RBMS3: variants seen among roughly 807,000 people sequenced by gnomAD.
RBMS3 encodes RNA binding motif single stranded interacting protein 3.
In RBMS3, 27 loss-of-function variants were observed where a neutral mutation model predicts 66.8. The ratio of observed to expected loss-of-function variants is 0.40; its 90% CI spans 0.30 to 0.56. The LOEUF (loss-of-function observed/expected upper bound fraction) is 0.56, where lower values mean the gene tolerates loss of function less well. Ranked by LOEUF, RBMS3 falls within the 20% of genes least tolerant of loss-of-function variation. RBMS3 has a pLI of 0.40. For synonymous variants in RBMS3, 188 were observed against 183.0 expected, an observed-to-expected ratio of 1.03 and a Z score of -0.22; for missense variants, 513 against 549.5, an observed-to-expected ratio of 0.93 and a Z score of 0.66.
At chr3:29,381,949 C>A (rs979757931) in intron 1 of RBMS3, among the ~76,000 whole-genome samples, 1 of 152,036 alleles carries the variant, frequency 6.6e-6, no homozygotes, top group African/African-American at 2.4e-5. Flanking sequence ...CCCTGTATAT[C>A]TCTTTCTTTC....
intron 6 of RBMS3, among the ~76,000 whole-genome samples, chr3:29,843,040 T>G (rs1434182003): frequency 6.6e-6 from 1 of 152,218 alleles, no homozygotes; most frequent in Non-Finnish European, 1.5e-5. Context: ...CTTCTTTTAC[T>G]CCAATTTCTT....
chr3:29,816,698 T>G (rs1393838607), intron 6 of RBMS3, among the ~76,000 whole-genome samples: 2 of 152,116 alleles, frequency 1.3e-5, no homozygotes, highest in Non-Finnish European at 2.9e-5. Context: ...AAGTGACCCA[T>G]AGAAAATAGT....
At chr3:29,837,521 A>C (rs1467070045) in intron 6 of RBMS3, among the ~76,000 whole-genome samples, 3 of 151,502 alleles carry the variant, frequency 2.0e-5, no homozygotes, top group East Asian at 1.9e-4. Flanking sequence ...TATCAGAATC[A>C]GAGATAAAAG....
At chr3:29,863,162 AT>A (rs1344544033) in intron 6 of RBMS3, among the ~76,000 whole-genome samples, 8 of 150,632 alleles carry the variant, frequency 5.3e-5, no homozygotes, top group Non-Finnish European at 1.2e-4. Flanking sequence ...GAAATAGCAC[AT>A]TTGAAAATGT....
intron 2 of RBMS3, among the ~76,000 whole-genome samples, chr3:29,477,828 C>T (rs1046271612): frequency 7.2e-5 from 11 of 152,086 alleles, no homozygotes; most frequent in Non-Finnish European, 1.6e-4. Context: ...TGCAGTCGTG[C>T]AATCTCAGTT....
intron 4 of RBMS3, among the ~76,000 whole-genome samples, chr3:29,734,695 C>G (rs1441734910): frequency 6.6e-6 from 1 of 152,024 alleles, no homozygotes; most frequent in Non-Finnish European, 1.5e-5. Flanking sequence ...TGATACCTAT[C>G]CACAATGAAA....
In RBMS3 at chr3:29,637,019, TG is replaced by T. The variant is rs1162223808; in HGVS notation, c.399+49816del. 3.3e-5 allele frequency among the ~76,000 whole-genome samples: 5 copies of T among 152,008 alleles called. No individual in the cohort carries two copies. In the East Asian group the frequency reaches 9.7e-4, roughly 29 times the overall value. On this transcript the variant is annotated intron_variant, in intron 4 of 14. Transcript: ENST00000383767. ...TTTCAGACCCAGGTTATTAGCAGCA[TG>T]GAAGCTCCTAATGAGGCTGGAGAAA...
chr3:29,685,960 C>T (rs577059912), intron 4 of RBMS3, among the ~76,000 whole-genome samples: 1 of 152,304 alleles, frequency 6.6e-6, no homozygotes, highest in African/African-American at 2.4e-5. Flanking sequence ...AACAAGTCTT[C>T]CAAAGTGGGC....
chr3:29,589,158 A>G (rs1182158128), intron 4 of RBMS3, among the ~76,000 whole-genome samples: 1 of 152,104 alleles, frequency 6.6e-6, no homozygotes, highest in Non-Finnish European at 1.5e-5. Flanking sequence ...GGGAACCATT[A>G]TGAATATTTT....
rs1309716603 is a variant in RBMS3 at position 30,007,565 on chromosome 3, CAA to C, written c.*3705_*3706del. On this transcript the variant is annotated 3_prime_UTR_variant, in exon 15 of 15. Coordinates refer to ENST00000383767, the MANE Select transcript of RBMS3 (RefSeq NM_001003793.3). ...AATGGTATGGTATTGTCAAGGGAGG[CAA>C]AGTGTTCATGGTAACTTGGAGCTCC... The C allele has an allele frequency of 1.3e-5, 2 of 151,980 alleles. No homozygotes were observed. Among genetic ancestry groups the C allele is most frequent in the Non-Finnish European group, 2.9e-5 (2 of 67,960 alleles). 9.4% of individuals were successfully genotyped at this position (151,980 alleles called of 1,614,324 possible).
chr3:29,582,814 G>C (rs2047378554), intron 3 of RBMS3, among the ~76,000 whole-genome samples: 1 of 152,060 alleles, frequency 6.6e-6, no homozygotes, highest in South Asian at 2.1e-4. Context: ...GCTTTCTTCT[G>C]ATTGTGATGT....
At position 29,868,840 on chromosome 3, in the gene RBMS3, G is replaced by T. The variant is rs2059420757; in HGVS notation, c.638-18G>T. 5 of 1,570,846 alleles carry T rather than the reference G, an allele frequency of 3.2e-6. No individual in the cohort carries two copies. The highest frequency in any genetic ancestry group is 4.3e-6 in the Non-Finnish European group (5 of 1,153,576). ...AAGGGGGAGTTGTTAATGTAGAATTGGTTTCTTATCTTCCCAGCCCCCAGT... is the reference window on the plus strand; with the variant it reads ...AAGGGGGAGTTGTTAATGTAGAATTTGTTTCTTATCTTCCCAGCCCCCAGT... On this transcript the variant is annotated intron_variant, in intron 6 of 14. Transcript: ENST00000383767.
intron 12 of RBMS3, among the ~76,000 whole-genome samples, chr3:29,960,365 T>C (rs2149734346): frequency 6.6e-6 from 1 of 152,310 alleles, no homozygotes; most frequent in African/African-American, 2.4e-5. Flanking sequence ...GCTTTGCCCC[T>C]GTGGCTTTGC....
At chr3:29,541,586 A>T (rs1157061273) in intron 3 of RBMS3, among the ~76,000 whole-genome samples, 2 of 152,190 alleles carry the variant, frequency 1.3e-5, no homozygotes, top group African/African-American at 4.8e-5. Flanking sequence ...GGGACCTTGC[A>T]GATGCCTCCT....
At chr3:29,927,965 A>G (rs1462215285) in intron 10 of RBMS3, among the ~76,000 whole-genome samples, 1 of 152,006 alleles carries the variant, frequency 6.6e-6, no homozygotes, top group Non-Finnish European at 1.5e-5. Context: ...CCTGTCACTG[A>G]ACTGTCCTAT....
chr3:29,749,678 A>G (rs1261214406), intron 5 of RBMS3, among the ~76,000 whole-genome samples: 1 of 152,164 alleles, frequency 6.6e-6, no homozygotes, highest in Non-Finnish European at 1.5e-5. Context: ...TACTTATCAT[A>G]AGGTCAGGAA....
At chr3:29,702,990 TAA>T (rs1212929606) in intron 4 of RBMS3, among the ~76,000 whole-genome samples, 1 of 152,256 alleles carries the variant, frequency 6.6e-6, no homozygotes, top group African/African-American at 2.4e-5. Context: ...TAACTTTCGT[TAA>T]GTGTTCATGT....
intron 10 of RBMS3, among the ~76,000 whole-genome samples, chr3:29,929,228 A>G (rs1004107931): frequency 1.3e-5 from 2 of 152,188 alleles, no homozygotes; most frequent in Non-Finnish European, 2.9e-5. Flanking sequence ...ACTCTCCCTC[A>G]ATAATGCAAT....
chr3:29,984,518 T>C (rs62235529), intron 12 of RBMS3, among the ~76,000 whole-genome samples: 26,029 of 151,890 alleles, frequency 0.17, 2,654 homozygotes, highest in East Asian at 0.37. Context: ...TTTTCAGCCT[T>C]TTTGCACTGG....
Sources: gnomAD v4.1 joint callset for allele counts (sites outside exome capture counted in the v4.1 genomes callset) on GRCh38, gnomAD v4.1.1 for gene constraint, MANE v1.5 for transcripts, NCBI Gene and HGNC (gene_info 2026-07-23, HGNC 2026-07-21) for gene names.